Variants in FNDC3B observed in about 807,000 individuals in gnomAD.
FNDC3B encodes the protein fibronectin type III domain containing 3B.
FNDC3B carries 12 observed loss-of-function variants against 151.5 expected under a neutral mutation model. The observed-to-expected ratio is 0.08, with a 90% confidence interval of 0.05 to 0.13. The LOEUF (loss-of-function observed/expected upper bound fraction) is 0.13. Among genes scored for constraint, FNDC3B ranks in the 10% least tolerant of loss-of-function variants. FNDC3B has a pLI of 1.00. For missense variants in FNDC3B, 1,214 were observed against 1,505.3 expected, an observed-to-expected ratio of 0.81 and a Z score of 3.20; for synonymous variants, 528 against 549.0, an observed-to-expected ratio of 0.96 and a Z score of 0.54.
chr3:172,062,499 G>C (rs572025100), intron 1 of FNDC3B, among the ~76,000 whole-genome samples: 1 of 152,172 alleles, frequency 6.6e-6, no homozygotes, highest in African/African-American at 2.4e-5. Context: ...TTTTAGTAGA[G>C]ATGGGGTTTC....
At chr3:172,388,319 G>C (rs1053256553) in intron 25 of FNDC3B, among the ~76,000 whole-genome samples, 1 of 151,926 alleles carries the variant, frequency 6.6e-6, no homozygotes, top group Non-Finnish European at 1.5e-5. Flanking sequence ...CAGTTGTCTG[G>C]GTATTACTTT....
intron 3 of FNDC3B, among the ~76,000 whole-genome samples, chr3:172,137,729 C>T (rs141096947): frequency 1.6e-3 from 244 of 152,230 alleles, no homozygotes; most frequent in African/African-American, 5.7e-3. Context: ...ATGCTGTGAA[C>T]GCAGATTCAT....
intron 25 of FNDC3B, among the ~76,000 whole-genome samples, chr3:172,387,264 A>T (rs1489126849): frequency 6.6e-6 from 1 of 151,800 alleles, no homozygotes; most frequent in African/African-American, 2.4e-5. Context: ...CGGCTAATTT[A>T]TTTTTGTATT....
intron 3 of FNDC3B, among the ~76,000 whole-genome samples, chr3:172,144,957 C>G (rs925614786): frequency 6.6e-6 from 1 of 151,656 alleles, no homozygotes; most frequent in Non-Finnish European, 1.5e-5. Context: ...TTTGAATTAG[C>G]TTCACATTTC....
At chr3:172,109,323 G>A (rs1327489997) in intron 1 of FNDC3B, among the ~76,000 whole-genome samples, 2 of 152,068 alleles carry the variant, frequency 1.3e-5, no homozygotes, top group Non-Finnish European at 2.9e-5. Flanking sequence ...CCGCCACTGC[G>A]CCCGGCTAAT....
intron 3 of FNDC3B, among the ~76,000 whole-genome samples, chr3:172,206,459 G>A (rs1725429329): frequency 6.6e-6 from 1 of 152,020 alleles, no homozygotes; most frequent in Non-Finnish European, 1.5e-5. Flanking sequence ...AGGAGTTTGA[G>A]ACCAGCTTGG....
At chr3:172,259,427 A>T (rs1301918267) in intron 6 of FNDC3B, among the ~76,000 whole-genome samples, 1 of 152,194 alleles carries the variant, frequency 6.6e-6, no homozygotes, top group Non-Finnish European at 1.5e-5. Flanking sequence ...AGCGCACTTG[A>T]ACGCCTTGCA....
chr3:172,343,504 G>T (rs2108310087), intron 18 of FNDC3B, among the ~76,000 whole-genome samples: 1 of 152,294 alleles, frequency 6.6e-6, no homozygotes, highest in South Asian at 2.1e-4. Flanking sequence ...AAGATCACAT[G>T]GAATTCTTTC....
chr3:172,096,667 T>C (rs561564770), intron 1 of FNDC3B, among the ~76,000 whole-genome samples: 12 of 152,318 alleles, frequency 7.9e-5, no homozygotes, highest in African/African-American at 2.9e-4. Flanking sequence ...TGTAGCCCCT[T>C]ACTGTAAATT....
In FNDC3B at chr3:172,329,092, G is replaced by C; in HGVS notation, c.1379+16G>C. The stretch of plus-strand genomic sequence containing the variant: ...TTGGTACCAGGTATGACGTTTCCTT[G>C]TCCTCTTGCCCTTCAGCCTTTGGAT... On this transcript the variant is annotated intron_variant, in intron 12 of 25. Coordinates refer to ENST00000415807, the MANE Select transcript of FNDC3B (RefSeq NM_022763.4). The C allele has an allele frequency of 6.2e-7, 1 of 1,602,042 alleles. No individual in the cohort carries two copies. Among genetic ancestry groups the C allele is most frequent in the East Asian group, 2.3e-5 (1 of 44,440 alleles).
intron 2 of FNDC3B, among the ~76,000 whole-genome samples, chr3:172,132,790 C>G (rs1471588572): frequency 6.6e-6 from 1 of 152,144 alleles, no homozygotes; most frequent in Non-Finnish European, 1.5e-5. Context: ...TTGATTAGAA[C>G]TATTAATAAA....
chr3:172,395,810 A>G (rs1324133801), intron 25 of FNDC3B, among the ~76,000 whole-genome samples: 4 of 152,240 alleles, frequency 2.6e-5, no homozygotes, highest in Non-Finnish European at 5.9e-5. Flanking sequence ...TACATGAACA[A>G]CCAGTAAGCA....
At chr3:172,287,642 T>G (rs1259632362) in intron 7 of FNDC3B, among the ~76,000 whole-genome samples, 1 of 152,222 alleles carries the variant, frequency 6.6e-6, no homozygotes, top group Non-Finnish European at 1.5e-5. Flanking sequence ...GTTTCAGAAC[T>G]CCATAGTCGC....
intron 6 of FNDC3B, among the ~76,000 whole-genome samples, chr3:172,277,620 A>G (rs1481819264): frequency 1.3e-5 from 2 of 152,198 alleles, no homozygotes; most frequent in African/African-American, 2.4e-5. Context: ...CAGCTTTTCT[A>G]TAGATTAAAA....
At chr3:172,068,073 T>C (rs1258914926) in intron 1 of FNDC3B, among the ~76,000 whole-genome samples, 1 of 152,234 alleles carries the variant, frequency 6.6e-6, no homozygotes, top group African/African-American at 2.4e-5. Context: ...CTCTTCAGGC[T>C]CATCCTGGTG....
At chr3:172,119,383 CAA>C (rs5854460) in intron 2 of FNDC3B, among the ~76,000 whole-genome samples, 489 of 131,884 alleles carry the variant, frequency 3.7e-3, no homozygotes, top group East Asian at 0.027. Flanking sequence ...TGTGGCCTAC[CAA>C]AAAAAAAAAA....
chr3:172,242,107 A>G (rs1293950857), intron 4 of FNDC3B, among the ~76,000 whole-genome samples: 3 of 152,216 alleles, frequency 2.0e-5, no homozygotes, highest in Non-Finnish European at 4.4e-5. Flanking sequence ...CTTTGACTCC[A>G]TGTCTCACAT....
chr3:172,334,351 A>G (rs1166754063), intron 14 of FNDC3B, among the ~76,000 whole-genome samples: 1 of 135,162 alleles, frequency 7.4e-6, no homozygotes, highest in African/African-American at 2.6e-5. Flanking sequence ...TCCTTTCACA[A>G]AACAATACAA....
chr3:172,108,866 A>G (rs1719814693), intron 1 of FNDC3B, among the ~76,000 whole-genome samples: 1 of 152,362 alleles, frequency 6.6e-6, no homozygotes, highest in Non-Finnish European at 1.5e-5. Flanking sequence ...TCTATGGAGC[A>G]TAGACTAAGT....
Sources: allele counts gnomAD v4.1 joint callset (sites outside exome capture counted in the v4.1 genomes callset), GRCh38; gene constraint gnomAD v4.1.1; transcripts MANE v1.5; gene names NCBI Gene and HGNC (gene_info 2026-07-23, HGNC 2026-07-21).